Variants in SRRM4 observed in about 807,000 individuals in gnomAD.
SRRM4 encodes serine/arginine repetitive matrix 4.
A neutral mutation model predicts 68.9 loss-of-function variants in SRRM4; 33 were observed. The observed-to-expected ratio is 0.48, with a 90% CI of 0.36 to 0.64. The LOEUF is 0.64. SRRM4 is among the 30% of genes least tolerant of loss of function. SRRM4 has a pLI of 0.00. For missense variants in SRRM4, 817 were observed against 827.1 expected (o/e 0.99, Z 0.15); for synonymous variants, 318 against 318.8 (o/e 1.00, Z 0.03).
chr12:119,041,793 A>C (rs1953670395), intron 1 of SRRM4, among the ~76,000 whole-genome samples: 1 of 152,216 alleles, frequency 6.6e-6, no homozygotes, highest in Admixed American at 6.5e-5. Flanking sequence ...AGTGGGACAC[A>C]GGTGATTAGA....
chr12:119,069,353 T>C (rs1953864241), intron 1 of SRRM4, among the ~76,000 whole-genome samples: 1 of 152,152 alleles, frequency 6.6e-6, no homozygotes, highest in South Asian at 2.1e-4. Flanking sequence ...AATTCATATT[T>C]ATGGGAAGTG....
intron 1 of SRRM4, among the ~76,000 whole-genome samples, chr12:119,087,562 G>C (rs375147035): frequency 6.6e-6 from 1 of 152,038 alleles, no homozygotes; most frequent in Non-Finnish European, 1.5e-5. Flanking sequence ...AAACGCGCTG[G>C]AGGGAATATT....
At chr12:119,143,665 G>A (rs1024757872) in intron 8 of SRRM4, among the ~76,000 whole-genome samples, 1 of 152,106 alleles carries the variant, frequency 6.6e-6, no homozygotes, top group Admixed American at 6.5e-5. Context: ...GAACATCCAA[G>A]TTCTGTCCAA....
At position 118,998,268 on chromosome 12, in the gene SRRM4, CAAAAAAAAAAAAAAAA is replaced by C. The variant is rs35250419; in HGVS notation, c.131+16271_131+16286del. ...AACTGAGTGGATAAGAGCAATATGG[CAAAAAAAAAAAAAAAA>C]AAAAAAAAAAAAAAATCACAGAGAG... On this transcript the variant is annotated intron_variant, in intron 1 of 12. Coordinates refer to ENST00000267260, the MANE Select transcript of SRRM4 (RefSeq NM_194286.4). Among the ~76,000 whole-genome samples, 19 of 36,582 alleles carry C rather than the reference CAAAAAAAAAAAAAAAA, an allele frequency of 5.2e-4. No individual in the cohort carries two copies. In the South Asian group the frequency reaches 5.2e-3, roughly 10 times the overall value. 24.0% of individuals were successfully genotyped at this position (36,582 alleles called of 152,430 possible). A position where few individuals can be genotyped will look rare whatever the true frequency, so the allele number is the denominator to read the frequency against.
chr12:119,031,310 G>A (rs1953588221), intron 1 of SRRM4: 1 of 152,202 alleles, frequency 6.6e-6, no homozygotes, highest in Non-Finnish European at 1.5e-5. Flanking sequence ...AATGGCAGCT[G>A]TCTTCATTAA....
At chr12:118,986,025 T>C (rs1188055752) in intron 1 of SRRM4, among the ~76,000 whole-genome samples, 1 of 152,144 alleles carries the variant, frequency 6.6e-6, no homozygotes, top group East Asian at 1.9e-4. Context: ...AGACCAGAAG[T>C]AGACTTCAGC....
intron 1 of SRRM4, among the ~76,000 whole-genome samples, chr12:119,033,863 A>G (rs1953609301): frequency 6.6e-6 from 1 of 152,238 alleles, no homozygotes; most frequent in African/African-American, 2.4e-5. Flanking sequence ...TCCCAATGTC[A>G]ATATGTTCAA....
At chr12:119,071,798 C>A (rs1458417070) in intron 1 of SRRM4, among the ~76,000 whole-genome samples, 1 of 152,206 alleles carries the variant, frequency 6.6e-6, no homozygotes, top group African/African-American at 2.4e-5. Flanking sequence ...ACTGTTGTTA[C>A]TTTTCAACAA....
chr12:119,039,560 C>T (rs1953652046), intron 1 of SRRM4, among the ~76,000 whole-genome samples: 1 of 152,174 alleles, frequency 6.6e-6, no homozygotes, highest in Non-Finnish European at 1.5e-5. Flanking sequence ...CTGATCCCTG[C>T]TGGTGTAGGA....
At chr12:119,107,455 T>C (rs1405740189) in intron 2 of SRRM4, among the ~76,000 whole-genome samples, 4 of 152,168 alleles carry the variant, frequency 2.6e-5, no homozygotes, top group Admixed American at 2.0e-4. Flanking sequence ...GTCCTGGACT[T>C]TTTTTGGTTG....
chr12:119,059,101 G>A (rs562721677), intron 1 of SRRM4, among the ~76,000 whole-genome samples: 4 of 152,286 alleles, frequency 2.6e-5, no homozygotes, highest in Admixed American at 6.5e-5. Flanking sequence ...CAGGGCCTCC[G>A]GAGCAGTCCT....
chr12:119,134,944 C>A (rs1347448464), intron 8 of SRRM4, among the ~76,000 whole-genome samples: 1 of 152,170 alleles, frequency 6.6e-6, no homozygotes, highest in African/African-American at 2.4e-5. Context: ...GGGAAAACAC[C>A]ACTATGTGTC....
At chr12:119,001,835 T>C (rs950540001) in intron 1 of SRRM4, 9 of 151,904 alleles carry the variant, frequency 5.9e-5, no homozygotes, top group Non-Finnish European at 1.3e-4. Flanking sequence ...AAACAAAAAT[T>C]AACCAGGTGT....
chr12:119,052,852 CAG>C (rs1953752911), intron 1 of SRRM4, among the ~76,000 whole-genome samples: 1 of 152,170 alleles, frequency 6.6e-6, no homozygotes, highest in Admixed American at 6.5e-5. Flanking sequence ...TGTTGAGAGA[CAG>C]AGAGGACGTG....
At chr12:118,990,145 T>C (rs1049225599) in intron 1 of SRRM4, among the ~76,000 whole-genome samples, 4 of 152,170 alleles carry the variant, frequency 2.6e-5, no homozygotes, top group African/African-American at 9.7e-5. Flanking sequence ...ACAGAGGCTC[T>C]GAGAATAGAA....
At chr12:118,999,848 A>G (rs891178724) in intron 1 of SRRM4, among the ~76,000 whole-genome samples, 2 of 152,226 alleles carry the variant, frequency 1.3e-5, no homozygotes, top group African/African-American at 4.8e-5. Context: ...AATACTTTGC[A>G]TATATACAGT....
intron 1 of SRRM4, among the ~76,000 whole-genome samples, chr12:118,996,176 A>C (rs894981931): frequency 2.6e-5 from 4 of 152,014 alleles, no homozygotes; most frequent in African/African-American, 9.7e-5. Flanking sequence ...TTTTTTCAAG[A>C]CCACACAGGA....
At chr12:119,057,322 A>G (rs1953783019) in intron 1 of SRRM4, among the ~76,000 whole-genome samples, 1 of 152,134 alleles carries the variant, frequency 6.6e-6, no homozygotes, top group Admixed American at 6.5e-5. Context: ...AGCATCCACT[A>G]GCTATTCTTC....
At chr12:119,012,865 T>C (rs931035753) in intron 1 of SRRM4, among the ~76,000 whole-genome samples, 11 of 152,216 alleles carry the variant, frequency 7.2e-5, no homozygotes, top group African/African-American at 1.2e-4. Flanking sequence ...TACATCTTCA[T>C]TGACTCCTAC....
Sources: gnomAD v4.1 joint callset for allele counts (sites outside exome capture counted in the v4.1 genomes callset) on GRCh38, gnomAD v4.1.1 for gene constraint, MANE v1.5 for transcripts, NCBI Gene and HGNC (gene_info 2026-07-23, HGNC 2026-07-21) for gene names.